CFAP61: variants seen among roughly 807,000 people sequenced by gnomAD.
CFAP61 encodes cilia- and flagella-associated protein 61.
CFAP61 carries 107 observed loss-of-function variants against 135.6 expected under a neutral mutation model. The ratio of observed to expected loss-of-function variants is 0.79; its 90% CI spans 0.67 to 0.93. The LOEUF (loss-of-function observed/expected upper bound fraction) is 0.93. CFAP61 is among the 40% of genes least tolerant of loss of function. The pLI is 0.00. For missense variants in CFAP61, 1,507 were observed against 1,556.2 expected, an observed-to-expected ratio of 0.97 and a Z score of 0.53; for synonymous variants, 575 against 578.5, an observed-to-expected ratio of 0.99 and a Z score of 0.09.
At chr20:20,272,857 T>C (rs1415783847) in intron 21 of CFAP61, among the ~76,000 whole-genome samples, 9 of 152,058 alleles carry the variant, frequency 5.9e-5, no homozygotes, top group Non-Finnish European at 1.3e-4. Flanking sequence ...AAAATTGACT[T>C]AACCGTTGCA....
chr20:20,271,019 TC>T (rs1245201842), intron 21 of CFAP61, among the ~76,000 whole-genome samples: 4 of 152,210 alleles, frequency 2.6e-5, no homozygotes, highest in Admixed American at 6.5e-5. Context: ...ATGGTCACTG[TC>T]AAAGTTGCTG....
intron 20 of CFAP61, chr20:20,253,540 C>A: frequency 2.1e-6 from 1 of 479,838 alleles, no homozygotes; most frequent in South Asian, 1.6e-5. Flanking sequence ...CATGTAAACC[C>A]TTACGTTCAG....
intron 13 of CFAP61, among the ~76,000 whole-genome samples, chr20:20,187,709 C>T (rs1221619191): frequency 1.3e-5 from 2 of 152,106 alleles, no homozygotes; most frequent in Non-Finnish European, 2.9e-5. Flanking sequence ...TGGTTAATGG[C>T]ATTATCAGTG....
chr20:20,197,264 T>C (rs1182239016), intron 16 of CFAP61, among the ~76,000 whole-genome samples: 3 of 152,200 alleles, frequency 2.0e-5, no homozygotes, highest in Non-Finnish European at 4.4e-5. Flanking sequence ...CGGAGATGCC[T>C]GATGCCGATG....
intron 26 of CFAP61, among the ~76,000 whole-genome samples, chr20:20,357,939 AAGGTGGTCACACTGAGGGG>A (rs1290269143): frequency 3.7e-4 from 6 of 16,102 alleles, no homozygotes; most frequent in African/African-American, 9.9e-4. Flanking sequence ...ACACTGAGGG[AAGGTGGTCACACTGAGGGG>A]AGGTGGTCAT....
At chr20:20,123,666 A>C (rs2049843860) in intron 8 of CFAP61, among the ~76,000 whole-genome samples, 1 of 151,680 alleles carries the variant, frequency 6.6e-6, no homozygotes, top group East Asian at 1.9e-4. Flanking sequence ...TGGTGGTGTG[A>C]TGCCTCCAGA....
intron 8 of CFAP61, among the ~76,000 whole-genome samples, chr20:20,125,766 C>G (rs1251009508): frequency 6.6e-6 from 1 of 151,742 alleles, no homozygotes; most frequent in Non-Finnish European, 1.5e-5. Context: ...TCCATTGCTT[C>G]TTTGTTGACT....
At chr20:20,130,290 GA>G (rs2146718155) in intron 8 of CFAP61, among the ~76,000 whole-genome samples, 1 of 148,124 alleles carries the variant, frequency 6.8e-6, no homozygotes, top group Admixed American at 6.7e-5. Context: ...CTCTGTCTCA[GA>G]AATAAAAAAA....
rs2057474591 is a variant in CFAP61, at chr20:20,320,799, A to T, written c.3423-21032A>T. 1.3e-5 allele frequency among the ~76,000 whole-genome samples: 2 copies of T among 151,524 alleles called. 1 individual carries two copies. The highest frequency in any genetic ancestry group is 1.3e-4 in the Admixed American group (2 of 15,096). On this transcript the variant is annotated intron_variant, in intron 25 of 26. Coordinates refer to ENST00000245957, the MANE Select transcript of CFAP61 (RefSeq NM_015585.4). ...AAGCAACCAAAGTTGTAAACTAAGA[A>T]GGAGTAAGGAAGGGGCTGTGGCACT... is the stretch of plus-strand genomic sequence containing the variant.
chr20:20,202,564 T>G (rs904918663), intron 17 of CFAP61, among the ~76,000 whole-genome samples: 3 of 152,172 alleles, frequency 2.0e-5, no homozygotes, highest in African/African-American at 7.2e-5. Flanking sequence ...TTTTAGACAG[T>G]TTTAATGTTT....
chr20:20,254,848 A>G (rs1352732702), intron 20 of CFAP61, among the ~76,000 whole-genome samples: 1 of 152,218 alleles, frequency 6.6e-6, no homozygotes, highest in East Asian at 1.9e-4. Context: ...TAATGTTTTT[A>G]ATATCCAAAT....
chr20:20,330,598 A>G (rs776372261), intron 25 of CFAP61, among the ~76,000 whole-genome samples: 1 of 152,048 alleles, frequency 6.6e-6, no homozygotes, highest in Non-Finnish European at 1.5e-5. Context: ...CAGCCACCCA[A>G]AGTGCTAGTA....
At chr20:20,083,167 A>G (rs2046550833) in intron 6 of CFAP61, among the ~76,000 whole-genome samples, 1 of 152,226 alleles carries the variant, frequency 6.6e-6, no homozygotes, top group African/African-American at 2.4e-5. Context: ...AGCCATAAAA[A>G]TGAACAAAAT....
chr20:20,292,902 C>T (rs1601848378), intron 24 of CFAP61, among the ~76,000 whole-genome samples: 1 of 152,226 alleles, frequency 6.6e-6, no homozygotes, highest in African/African-American at 2.4e-5. Context: ...CAGCAACCAC[C>T]GAGATTCAAG....
Position 20,232,390 on chromosome 20 carries a change from A to G in CFAP61, c.2060+4014A>G, listed in dbSNP as rs75004045. On this transcript the variant is annotated intron_variant, in intron 18 of 26. Transcript: ENST00000245957. ...AATGCTATAGCAAAATAGAAAAAAA[A>G]AAGAAGAAGAAGAAGAAGAGAAGGA... 3.8e-3 allele frequency among the ~76,000 whole-genome samples: 572 copies of G among 151,992 alleles called. 2 individuals are homozygous for G. The highest frequency in any genetic ancestry group is 0.013 in the African/African-American group (528 of 41,330).
At chr20:20,203,708 A>C (rs574743772) in intron 17 of CFAP61, among the ~76,000 whole-genome samples, 1 of 152,118 alleles carries the variant, frequency 6.6e-6, no homozygotes, top group African/African-American at 2.4e-5. Flanking sequence ...GCTGCCTTAC[A>C]CTTATTTTGA....
At chr20:20,284,362 T>G (rs2054426004) in intron 22 of CFAP61, among the ~76,000 whole-genome samples, 1 of 152,066 alleles carries the variant, frequency 6.6e-6, no homozygotes, top group Non-Finnish European at 1.5e-5. Context: ...CTCAGCTCAC[T>G]GCAAACTCCT....
intron 6 of CFAP61, among the ~76,000 whole-genome samples, chr20:20,087,145 T>G (rs921363729): frequency 6.6e-6 from 1 of 152,134 alleles, no homozygotes; most frequent in African/African-American, 2.4e-5. Flanking sequence ...ATAATTTCAA[T>G]TTTTATTTTA....
intron 22 of CFAP61, among the ~76,000 whole-genome samples, chr20:20,283,143 A>G (rs2054327273): frequency 6.6e-6 from 1 of 152,202 alleles, no homozygotes; most frequent in Non-Finnish European, 1.5e-5. Context: ...GAAGGGTATT[A>G]AAATCTGTTA....
Sources: gnomAD v4.1 joint callset for allele counts (sites outside exome capture counted in the v4.1 genomes callset) on GRCh38, gnomAD v4.1.1 for gene constraint, MANE v1.5 for transcripts, NCBI Gene and HGNC (gene_info 2026-07-23, HGNC 2026-07-21) for gene names.